The following CELSR1 variants were observed in gnomAD, a reference collection of about 807,000 sequenced individuals.
The protein encoded by CELSR1 is cadherin EGF LAG seven-pass G-type receptor 1.
Under a neutral mutation model 249.1 loss-of-function variants are expected in CELSR1, and 110 were observed. The observed-to-expected ratio is 0.44, with a 90% CI of 0.38 to 0.52. The LOEUF is 0.52. CELSR1 is among the 20% of genes least tolerant of loss of function. CELSR1 has a pLI of 0.00. For synonymous variants in CELSR1, 2,113 were observed against 1,900.0 expected, an observed-to-expected ratio of 1.11 and a Z score of -2.92; for missense variants, 4,109 against 4,296.4, an observed-to-expected ratio of 0.96 and a Z score of 1.22.
chr22:46,386,576 G>A lies in CELSR1; in HGVS notation c.6565C>T (p.His2189Tyr), dbSNP rs1341525290. Residue 2189 changes from histidine to tyrosine, a missense_variant, in exon 19 of 35, where the codon CAC becomes TAC. Physicochemically the swap from His to Tyr is moderately conservative, Grantham distance 83 (BLOSUM62 2). Around this residue, in one of 7 missense-constraint regions of CELSR1, gnomAD observed 1,805 missense variants for 1,831.6 expected, o/e 0.99. Coordinates refer to ENST00000674500, the MANE Select transcript of CELSR1 (RefSeq NM_001378328.1). ...QDADFHEDVI[H>Y]SGSALLAPAT... The stretch of plus-strand genomic sequence containing the variant: ...GGGGCCAGGAGGGCGCTGCCCGAGT[G>A]GATGACGTCCTGGTCAGACAGACAG... The A allele has an allele frequency of 6.3e-7, 1 of 1,593,256 alleles. No homozygotes were observed. The highest frequency in any genetic ancestry group is 1.1e-5 in the South Asian group (1 of 88,894).
Position 46,536,924 on chromosome 22 carries a change from C to A in CELSR1, c.247G>T (p.Gly83Trp), listed in dbSNP as rs917357736. ...CGGACTTGCAGCGGCAGCGGGCGCCCCGCGCCCGAGACGCGCCGACGTCCT... is the reference window on the plus strand; with the variant it reads ...CGGACTTGCAGCGGCAGCGGGCGCCACGCGCCCGAGACGCGCCGACGTCCT... ...LAGRRRVSGA[G>W]RPLPLQVRLV... is the part of the protein sequence containing the mutation. The change falls in exon 1 of 35, where the codon GGG (glycine) becomes TGG (tryptophan). Residue 83 changes from glycine to tryptophan, a missense_variant. Gly to Trp is a radical substitution (Grantham distance 184). Coordinates refer to ENST00000674500, the MANE Select transcript of CELSR1 (RefSeq NM_001378328.1). 8.5e-7 allele frequency: 1 copy of A among 1,174,054 alleles called. No homozygotes were observed. Among genetic ancestry groups the A allele is most frequent in the Non-Finnish European group, 1.1e-6 (1 of 951,402 alleles). The allele number at this position is 1,174,054 out of a possible 1,614,324, so 72.7% of individuals were successfully genotyped here. A position where few individuals can be genotyped will look rare whatever the true frequency, so the allele number is the denominator to read the frequency against.
At position 46,446,437 on chromosome 22, in the gene CELSR1, C is replaced by T. The variant is rs2079821370; in HGVS notation, c.4184-7026G>A. Among the ~76,000 whole-genome samples, 1 of 152,204 alleles carries T rather than the reference C, an allele frequency of 6.6e-6. No individual in the cohort carries two copies. Among genetic ancestry groups the T allele is most frequent in the Non-Finnish European group, 1.5e-5 (1 of 68,036 alleles). On this transcript the variant is annotated intron_variant, in intron 2 of 34. Transcript: ENST00000674500. The surrounding 1 kb of genome is among the most constrained non-coding windows in gnomAD (Gnocchi z 5.5). The stretch of plus-strand genomic sequence containing the variant: ...ATCGCCCCACCAGCTCCACATCCAG[C>T]CCTGCTTGTGCGATGGTTCCCCCGT...
chr22:46,487,566 G>A (rs1250263699), intron 1 of CELSR1, among the ~76,000 whole-genome samples: 6 of 37,886 alleles, frequency 1.6e-4, no homozygotes, highest in Admixed American at 5.8e-4. Flanking sequence ...TGCAGGTGGG[G>A]GGTGAGGGGG....
chr22:46,536,427 G>A lies in CELSR1; in HGVS notation c.744C>T (p.Pro248=), dbSNP rs1271616520. 1.2e-6 allele frequency: 2 copies of A among 1,612,368 alleles called. No homozygotes were observed. Among genetic ancestry groups the A allele is most frequent in the Admixed American group, 1.7e-5 (1 of 60,004 alleles). ...SGRGSLKFPM[P]NYQVALFENE... ...TCTCAAACAACGCCACCTGGTAGTT[G>A]GGCATCGGAAACTTCAGGCTCCCTC... The change falls in exon 1 of 35, where the codon CCC becomes CCT. Residue 248 remains proline (P), a synonymous_variant. Transcript: ENST00000674500.
In CELSR1 at chr22:46,365,237, G is replaced by A. The variant is rs1309847154; in HGVS notation, c.8548C>T (p.Pro2850Ser). 25 of 1,611,568 alleles carry A rather than the reference G, an allele frequency of 1.6e-5. No homozygotes were observed. Among genetic ancestry groups the A allele is most frequent in the Non-Finnish European group, 1.9e-5 (22 of 1,179,852 alleles). ...DPARGAVHST[P>S]KGDAVANHVP... Reference sequence around the variant, plus strand: ...ATGTGCCCCACACACTCACCTTTGGGGGTGCTGTGGACGGCGCCCCTGGCC... The same window carrying A: ...ATGTGCCCCACACACTCACCTTTGGAGGTGCTGTGGACGGCGCCCCTGGCC... The change falls in exon 32 of 35, where the codon CCC becomes TCC. Residue 2850 changes from proline (P) to serine (S), a missense_variant. Coordinates refer to ENST00000674500, the MANE Select transcript of CELSR1 (RefSeq NM_001378328.1).
Position 46,508,534 on chromosome 22 carries a change from C to T in CELSR1, c.3544+25093G>A, listed in dbSNP as rs536806454. Among the ~76,000 whole-genome samples the T allele has an allele frequency of 7.8e-4, 119 of 151,608 alleles. 1 individual carries two copies. Among genetic ancestry groups the T allele is most frequent in the African/African-American group, 2.8e-3 (116 of 41,304 alleles). ...TTTCTCACAGCCGGGGTCCCCTCCC[C>T]ACCAAAGGGCCTCACTTACTTGCCA... On this transcript the variant is annotated intron_variant, in intron 1 of 34. Transcript: ENST00000674500.
At position 46,393,485 on chromosome 22, in the gene CELSR1, C is replaced by T. The variant is rs2079115392; in HGVS notation, c.5964+657G>A. Among the ~76,000 whole-genome samples the T allele has an allele frequency of 6.6e-6, 1 of 152,188 alleles. No homozygotes were observed. The highest frequency in any genetic ancestry group is 1.5e-5 in the Non-Finnish European group (1 of 68,034). Reference sequence around the variant, plus strand: ...AGGCACGGTGGCTCACGCCTGTAATCCCAGCACTCTGGGAGGCTGAGGCGG... The same window carrying T: ...AGGCACGGTGGCTCACGCCTGTAATTCCAGCACTCTGGGAGGCTGAGGCGG... On this transcript the variant is annotated intron_variant, in intron 14 of 34. Transcript: ENST00000674500. This position sits in a 1 kb window ranked among gnomAD's most constrained non-coding sequence, Gnocchi z 4.1.
chr22:46,399,954 A>G lies in CELSR1; in HGVS notation c.5227-52T>C, dbSNP rs1256008052. Reference sequence around the variant, plus strand: ...GATTGGTACAATGACAATGAAAGAGAAAACATTTTGCAGTCACTTAAACAA... The same window carrying G: ...GATTGGTACAATGACAATGAAAGAGGAAACATTTTGCAGTCACTTAAACAA... On this transcript the variant is annotated intron_variant, in intron 9 of 34. Coordinates refer to ENST00000674500, the MANE Select transcript of CELSR1 (RefSeq NM_001378328.1). The surrounding 1 kb of genome is among the most constrained non-coding windows in gnomAD (Gnocchi z 5.0). 1 of 1,572,464 alleles carries G rather than the reference A, an allele frequency of 6.4e-7. No homozygotes were observed. Among genetic ancestry groups the G allele is most frequent in the Non-Finnish European group, 8.7e-7 (1 of 1,149,506 alleles).
chr22:46,530,465 G>A (rs2080780672), intron 1 of CELSR1: 1 of 151,888 alleles, frequency 6.6e-6, no homozygotes, highest in Non-Finnish European at 1.5e-5. Flanking sequence ...CACATTCAAG[G>A]CTTGAGTTGT....
In CELSR1 at chr22:46,434,361, G is replaced by A. The variant is rs904757764; in HGVS notation, c.4523-880C>T. ...CAGCTGGGAGGAAGGAGCTTCAGGGGCACCAAAGGACAGGTGCGGTGGGTA... is the reference window on the plus strand; with the variant it reads ...CAGCTGGGAGGAAGGAGCTTCAGGGACACCAAAGGACAGGTGCGGTGGGTA... On this transcript the variant is annotated intron_variant, in intron 4 of 34. Transcript: ENST00000674500. The surrounding 1 kb of genome is among the most constrained non-coding windows in gnomAD (Gnocchi z 4.9). Among the ~76,000 whole-genome samples, 16 of 152,166 alleles carry A rather than the reference G, an allele frequency of 1.1e-4. 1 individual carries two copies. Among genetic ancestry groups the A allele is most frequent in the East Asian group, 1.9e-4 (1 of 5,192 alleles).
At position 46,384,590 on chromosome 22, in the gene CELSR1, G is replaced by A. The variant is rs1273452777; in HGVS notation, c.6836C>T (p.Ser2279Phe). The change falls in exon 20 of 35, where the codon TCC becomes TTC. Residue 2279 changes from serine to phenylalanine, a missense_variant. By Grantham distance (155) the Ser-to-Phe change is radical. This residue lies in a region of CELSR1 where 1,805 missense variants were observed against 1,831.6 expected (regional missense o/e 0.99). Coordinates refer to ENST00000674500, the MANE Select transcript of CELSR1 (RefSeq NM_001378328.1). ...GAAGTCGGCTGGGAAGGAGACGGAG[G>A]ACTCCAGCTCCCTGGGGAACTCTTC... ...IHEEFPRELE[S>F]SVSFPADFFR... The A allele has an allele frequency of 2.5e-6, 4 of 1,613,570 alleles. No homozygotes were observed. The highest frequency in any genetic ancestry group is 2.2e-5 in the South Asian group (2 of 90,920).
In CELSR1 at chr22:46,506,782, G is replaced by T. The variant is rs1377333818; in HGVS notation, c.3544+26845C>A. Reference sequence around the variant, plus strand: ...TGTGGACAGATGCTGAGATCTCTCCGGAAAGATGCCCGATAACAGGAAGCT... The same window carrying T: ...TGTGGACAGATGCTGAGATCTCTCCTGAAAGATGCCCGATAACAGGAAGCT... On this transcript the variant is annotated intron_variant, in intron 1 of 34. Coordinates refer to ENST00000674500, the MANE Select transcript of CELSR1 (RefSeq NM_001378328.1). This position sits in a 1 kb window ranked among gnomAD's most constrained non-coding sequence, Gnocchi z 4.1. 6.6e-6 allele frequency among the ~76,000 whole-genome samples: 1 copy of T among 152,178 alleles called. No homozygotes were observed. Among genetic ancestry groups the T allele is most frequent in the Non-Finnish European group, 1.5e-5 (1 of 68,044 alleles).
intron 2 of CELSR1, among the ~76,000 whole-genome samples, chr22:46,458,713 C>CT (rs1303018962): frequency 6.6e-6 from 1 of 152,174 alleles, no homozygotes; most frequent in African/African-American, 2.4e-5. Flanking sequence ...AAGAGATCCC[C>CT]AAGTCGAATC....
Position 46,535,681 on chromosome 22 carries a change from C to T in CELSR1, c.1490G>A (p.Ser497Asn). 6.2e-7 allele frequency: 1 copy of T among 1,613,110 alleles called. No homozygotes were observed. The highest frequency in any genetic ancestry group is 8.5e-7 in the Non-Finnish European group (1 of 1,180,030). The change falls in exon 1 of 35, where the codon AGC (serine) becomes AAC (asparagine). Residue 497 changes from serine to asparagine, a missense_variant. Physicochemically the swap from Ser to Asn is conservative, Grantham distance 46. Around this residue, in one of 7 missense-constraint regions of CELSR1, gnomAD observed 135 missense variants for 190.0 expected, o/e 0.71. Coordinates refer to ENST00000674500, the MANE Select transcript of CELSR1 (RefSeq NM_001378328.1). ...GCCGGCCACGTTCCCGCTGAGGATGCTGTAGTGAATGGCCGCGTTCTGGCC... is the reference window on the plus strand; with the variant it reads ...GCCGGCCACGTTCCCGCTGAGGATGTTGTAGTGAATGGCCGCGTTCTGGCC... ...DQGQNAAIHY[S>N]ILSGNVAGQF...
chr22:46,536,796 G>A lies in CELSR1; in HGVS notation c.375C>T (p.Ala125=). 8.4e-7 allele frequency: 1 copy of A among 1,194,942 alleles called. No homozygotes were observed. The highest frequency in any genetic ancestry group is 1.0e-6 in the Non-Finnish European group (1 of 965,938). 74.0% of individuals were successfully genotyped at this position (1,194,942 alleles called of 1,614,324 possible). A position where few individuals can be genotyped will look rare whatever the true frequency, so the allele number is the denominator to read the frequency against. The change falls in exon 1 of 35, where the codon GCC becomes GCT. Residue 125 remains alanine, a synonymous_variant. Coordinates refer to ENST00000674500, the MANE Select transcript of CELSR1 (RefSeq NM_001378328.1). The part of the protein sequence containing the change: ...GARARLCGTG[A]RLCGALCFPV... ...GGAAGCAGAGCGCCCCGCAGAGCCG[G>A]GCACCGGTTCCGCAGAGCCGGGCAC...
chr22:46,499,860 C>G (rs2080449627), intron 1 of CELSR1, among the ~76,000 whole-genome samples: 2 of 152,054 alleles, frequency 1.3e-5, no homozygotes, highest in African/African-American at 4.8e-5. Context: ...AGACATAAAA[C>G]CCCTCCACCG....
Position 46,410,566 on chromosome 22 carries a change from G to A in CELSR1, c.4770-5C>T, listed in dbSNP as rs372044684. 7 of 1,611,890 alleles carry A rather than the reference G, an allele frequency of 4.3e-6. No homozygotes were observed. The highest frequency in any genetic ancestry group is 2.7e-5 in the African/African-American group (2 of 74,890). ...GGGCCGGTCAGATCCAGGGACCTGG[G>A]TAGGTAAAGCCATCTTCTGTGACGT... On this transcript the variant is annotated splice_region_variant and splice_polypyrimidine_tract_variant and intron_variant, in intron 6 of 34. Coordinates refer to ENST00000674500, the MANE Select transcript of CELSR1 (RefSeq NM_001378328.1). This position sits in a 1 kb window ranked among gnomAD's most constrained non-coding sequence, Gnocchi z 6.8.
In CELSR1 at chr22:46,456,663, A is replaced by T. The variant is rs1191887130; in HGVS notation, c.4183+7044T>A. ...GGGCGACAGAGCGAGACTCTGTCTA[A>T]AAAAAAAAAAAAAAAAAAAAAAAAG... On this transcript the variant is annotated intron_variant, in intron 2 of 34. Transcript: ENST00000674500. Among the ~76,000 whole-genome samples the T allele has an allele frequency of 7.7e-4, 50 of 64,870 alleles. 1 individual carries two copies. The highest frequency in any genetic ancestry group is 2.9e-3 in the African/African-American group (46 of 15,718). The allele number at this position is 64,870 out of a possible 152,430, so 42.6% of individuals were successfully genotyped here. A position where few individuals can be genotyped will look rare whatever the true frequency, so the allele number is the denominator to read the frequency against.
rs544480927 is a variant in CELSR1, at chr22:46,402,414, T to C, written c.5227-2512A>G. On this transcript the variant is annotated intron_variant, in intron 9 of 34. Coordinates refer to ENST00000674500, the MANE Select transcript of CELSR1 (RefSeq NM_001378328.1). The surrounding 1 kb of genome is among the most constrained non-coding windows in gnomAD (Gnocchi z 5.0). Reference sequence around the variant, plus strand: ...GTATTTTTAGTAGAGACGGGGCTTCTCCATGTTGGTCAGGCTGGTCTCGAA... The same window carrying C: ...GTATTTTTAGTAGAGACGGGGCTTCCCCATGTTGGTCAGGCTGGTCTCGAA... 6.6e-6 allele frequency among the ~76,000 whole-genome samples: 1 copy of C among 152,054 alleles called. No homozygotes were observed. The highest frequency in any genetic ancestry group is 2.1e-4 in the South Asian group (1 of 4,802).
Sources: gnomAD v4.1 joint callset for allele counts (sites outside exome capture counted in the v4.1 genomes callset) on GRCh38, gnomAD v4.1.1 for gene constraint, gnomAD v4.1.1 regional missense constraint, Gnocchi (gnomAD v3.1) non-coding constraint, MANE v1.5 for transcripts, NCBI Gene and HGNC (gene_info 2026-07-23, HGNC 2026-07-21) for gene names.